Variants in EFL1 observed in about 807,000 individuals in gnomAD.
EFL1 encodes the protein elongation factor like GTPase 1, also known as elongation factor-like GTPase 1.
Under a neutral mutation model 126.7 loss-of-function variants are expected in EFL1, and 76 were observed. The ratio of observed to expected loss-of-function variants is 0.60; its 90% CI spans 0.50 to 0.73. The LOEUF is 0.73. EFL1 is among the 30% of genes least tolerant of loss of function. EFL1 has a pLI of 0.00. For synonymous variants in EFL1, 410 were observed against 448.4 expected (o/e 0.91, Z 1.08); for missense variants, 1,128 against 1,343.2 (o/e 0.84, Z 2.50).
chr15:82,191,321 C>A (rs991512813), intron 15 of EFL1, among the ~76,000 whole-genome samples: 1 of 152,164 alleles, frequency 6.6e-6, no homozygotes, highest in Non-Finnish European at 1.5e-5. Flanking sequence ...AGTTTCATCA[C>A]TCAAATGTAG....
intron 15 of EFL1, among the ~76,000 whole-genome samples, chr15:82,164,251 C>G (rs1377760243): frequency 6.6e-6 from 1 of 152,024 alleles, no homozygotes. Context: ...CTACTTTGAC[C>G]ACAGAAATGA....
At chr15:82,214,464 G>A (rs1301004599) in intron 15 of EFL1, among the ~76,000 whole-genome samples, 1 of 152,024 alleles carries the variant, frequency 6.6e-6, no homozygotes, top group Admixed American at 6.6e-5. Context: ...GAAATAAATG[G>A]AACTCCAGCT....
chr15:82,219,329 C>T (rs998064093), intron 14 of EFL1, among the ~76,000 whole-genome samples: 1 of 152,204 alleles, frequency 6.6e-6, no homozygotes, highest in African/African-American at 2.4e-5. Flanking sequence ...CAAAGACCGG[C>T]CATTGCCCTG....
intron 15 of EFL1, among the ~76,000 whole-genome samples, chr15:82,194,597 T>A (rs939091156): frequency 3.3e-5 from 5 of 152,194 alleles, no homozygotes; most frequent in African/African-American, 1.2e-4. Flanking sequence ...AAGGACAGAA[T>A]ATATCAGTGA....
At chr15:82,136,842 C>T (rs1412574680) in intron 19 of EFL1, among the ~76,000 whole-genome samples, 3 of 152,182 alleles carry the variant, frequency 2.0e-5, no homozygotes, top group South Asian at 2.1e-4. Context: ...TCAGCAATAT[C>T]GCATCAGATA....
intron 3 of EFL1, among the ~76,000 whole-genome samples, chr15:82,255,063 A>G (rs2075055549): frequency 1.3e-5 from 2 of 152,202 alleles, no homozygotes; most frequent in Non-Finnish European, 2.9e-5. Flanking sequence ...GAGTTATTAA[A>G]TCTGCACATC....
chr15:82,165,742 T>C (rs1420063887), intron 15 of EFL1, among the ~76,000 whole-genome samples: 1 of 152,220 alleles, frequency 6.6e-6, no homozygotes, highest in Non-Finnish European at 1.5e-5. Flanking sequence ...CTTTTGGATT[T>C]TGAAAGCATT....
intron 7 of EFL1, among the ~76,000 whole-genome samples, chr15:82,235,136 T>C (rs2074859887): frequency 6.6e-6 from 1 of 152,162 alleles, no homozygotes; most frequent in Non-Finnish European, 1.5e-5. Context: ...ACTTTAATCT[T>C]AATATCAACT....
chr15:82,152,332 C>T lies in EFL1; in HGVS notation c.2122G>A (p.Glu708Lys). 6.2e-7 allele frequency: 1 copy of T among 1,613,952 alleles called. No individual in the cohort carries two copies. The highest frequency in any genetic ancestry group is 1.1e-5 in the South Asian group (1 of 91,078). The part of the protein sequence containing the change: ...KPPKVDMVNE[E>K]IGKQQKVAVI... ...GCAACTTTTTGCTGTTTGCCTATTT[C>T]TTCATTGACCATGTCAACTTTTGGG... Residue 708 changes from glutamate (E) to lysine (K), a missense_variant, in exon 18 of 20, where the codon GAA becomes AAA. Around this residue, in one of 6 missense-constraint regions of EFL1, gnomAD observed 561 missense variants for 641.7 expected, o/e 0.87. Coordinates refer to ENST00000268206, the MANE Select transcript of EFL1 (RefSeq NM_024580.6).
intron 18 of EFL1, among the ~76,000 whole-genome samples, chr15:82,141,647 C>G (rs551082377): frequency 7.0e-6 from 1 of 143,788 alleles, no homozygotes; most frequent in Admixed American, 7.1e-5. Flanking sequence ...GCACTCCAAC[C>G]TGGGCAATAG....
In EFL1 at chr15:82,211,588, CATACTAG is replaced by C. The variant is rs1567064831; in HGVS notation, c.1750+3122_1750+3128del. On this transcript the variant is annotated intron_variant, in intron 15 of 19. Transcript: ENST00000268206. ...CACACACACACACACACACTAGACACATACTAGACACACACACACACACACACACACT... is the reference window on the plus strand; with the variant it reads ...CACACACACACACACACACTAGACACACACACACACACACACACACACACT... 2.5e-4 allele frequency among the ~76,000 whole-genome samples: 16 copies of C among 64,592 alleles called. 1 individual carries two copies. The highest frequency in any genetic ancestry group is 5.0e-4 in the African/African-American group (4 of 7,936). The allele number at this position is 64,592 out of a possible 152,430, so 42.4% of individuals were successfully genotyped here.
At chr15:82,162,320 A>C (rs887493697) in intron 16 of EFL1, among the ~76,000 whole-genome samples, 3 of 152,170 alleles carry the variant, frequency 2.0e-5, no homozygotes, top group African/African-American at 7.2e-5. Flanking sequence ...GGCTTAAATT[A>C]TTTTTTCCTA....
intron 4 of EFL1, 135 bp from the exon 5 acceptor site, chr15:82,241,538 C>G: frequency 1.8e-6 from 2 of 1,095,000 alleles, no homozygotes; most frequent in Admixed American, 5.9e-5. Context: ...AAGCTCAATC[C>G]AGAGCTACCA....
chr15:82,254,717 A>G (rs988587731), intron 3 of EFL1, among the ~76,000 whole-genome samples: 4 of 152,124 alleles, frequency 2.6e-5, no homozygotes, highest in African/African-American at 9.7e-5. Flanking sequence ...GACGTAATTT[A>G]TTCATTTTTA....
At chr15:82,149,036 G>C (rs1029294044) in intron 18 of EFL1, among the ~76,000 whole-genome samples, 3 of 151,650 alleles carry the variant, frequency 2.0e-5, no homozygotes, top group Admixed American at 6.6e-5. Flanking sequence ...GTAAAGGACC[G>C]TAACTTCATC....
intron 3 of EFL1, among the ~76,000 whole-genome samples, chr15:82,256,937 T>C (rs1042742790): frequency 6.6e-6 from 1 of 152,214 alleles, no homozygotes; most frequent in Admixed American, 6.5e-5. Context: ...TGTACTATCC[T>C]TAACAGACTT....
rs776454819 is a variant in EFL1, at chr15:82,152,209, C to T, written c.2245G>A (p.Ala749Thr). The change falls in exon 18 of 20, where the codon GCC (alanine) becomes ACC (threonine). Residue 749 changes from alanine (A) to threonine (T), a missense_variant. Coordinates refer to ENST00000268206, the MANE Select transcript of EFL1 (RefSeq NM_024580.6). ...LITITTPNKL[A>T]TLSVRAMPLP... The stretch of plus-strand genomic sequence containing the variant: ...GGCATGGCTCGAACACTGAGCGTGG[C>T]AAGTTTATTGGGAGTTGTTATGGTG... 6.2e-6 allele frequency: 10 copies of T among 1,614,020 alleles called. No individual in the cohort carries two copies. The highest frequency in any genetic ancestry group is 8.5e-6 in the Non-Finnish European group (10 of 1,180,052).
intron 15 of EFL1, 69 bp from the exon 16 acceptor site, chr15:82,164,053 C>T (rs1422196983): frequency 2.5e-6 from 4 of 1,581,784 alleles, no homozygotes; most frequent in Admixed American, 1.7e-5. Flanking sequence ...AGAAAAACAG[C>T]AGCATCAACC....
intron 17 of EFL1, among the ~76,000 whole-genome samples, chr15:82,155,271 G>A (rs2073955647): frequency 6.6e-6 from 1 of 152,148 alleles, no homozygotes. Context: ...GGAGGCCGAG[G>A]AGGTTGGATC....
Sources: gnomAD v4.1 joint callset for allele counts (sites outside exome capture counted in the v4.1 genomes callset) on GRCh38, gnomAD v4.1.1 for gene constraint, gnomAD v4.1.1 regional missense constraint, MANE v1.5 for transcripts, NCBI Gene and HGNC (gene_info 2026-07-23, HGNC 2026-07-21) for gene names.